Variants in ARHGAP42 observed in about 807,000 individuals in gnomAD.
ARHGAP42 encodes the protein Rho GTPase activating protein 42, also known as rho GTPase-activating protein 42.
A neutral mutation model predicts 125.0 loss-of-function variants in ARHGAP42; 63 were observed. The ratio of observed to expected loss-of-function variants is 0.50; its 90% CI spans 0.41 to 0.62. The LOEUF (loss-of-function observed/expected upper bound fraction) is 0.62. ARHGAP42 is among the 20% of genes least tolerant of loss of function. ARHGAP42 has a pLI of 0.00. For missense variants in ARHGAP42, 766 were observed against 1,024.2 expected (o/e 0.75, Z 3.44); for synonymous variants, 339 against 351.0 (o/e 0.97, Z 0.38).
At chr11:100,776,296 A>G (rs1863118694) in intron 2 of ARHGAP42, among the ~76,000 whole-genome samples, 1 of 152,226 alleles carries the variant, frequency 6.6e-6, no homozygotes, top group Admixed American at 6.5e-5. Context: ...GATTGTGCGT[A>G]AACAGCTTGG....
chr11:100,975,893 T>C (rs2135320059), intron 19 of ARHGAP42, among the ~76,000 whole-genome samples, 164 bp from the exon 20 acceptor site: 1 of 152,276 alleles, frequency 6.6e-6, no homozygotes, highest in South Asian at 2.1e-4. Context: ...AAAGCCTTTC[T>C]CCAGTACTGA....
chr11:100,822,630 A>C (rs1864429411), intron 3 of ARHGAP42, among the ~76,000 whole-genome samples: 1 of 152,112 alleles, frequency 6.6e-6, no homozygotes, highest in South Asian at 2.1e-4. Context: ...TTTAATCTGA[A>C]AGACTTCCAG....
intron 3 of ARHGAP42, among the ~76,000 whole-genome samples, chr11:100,838,513 C>G (rs1864867989): frequency 6.6e-6 from 1 of 151,884 alleles, no homozygotes; most frequent in South Asian, 2.1e-4. Flanking sequence ...TCAAAACTAG[C>G]CTGGGTAATG....
In ARHGAP42 at chr11:100,848,890, C is replaced by G. The variant is rs559801850; in HGVS notation, c.313-10664C>G. Among the ~76,000 whole-genome samples, 5 of 152,248 alleles carry G rather than the reference C, an allele frequency of 3.3e-5. No individual in the cohort carries two copies. In the East Asian group the frequency reaches 9.6e-4, roughly 29 times the overall value. On this transcript the variant is annotated intron_variant, in intron 3 of 23. Transcript: ENST00000298815. ...ATGATTCAGGTGGCACATGGCATAG[C>G]CTTTCTGCTTTACCTTATTATCTGA... is the stretch of plus-strand genomic sequence containing the variant.
chr11:100,965,798 T>C, intron 17 of ARHGAP42, 22 bp downstream of exon 17: 3 of 1,517,416 alleles, frequency 2.0e-6, no homozygotes, highest in Non-Finnish European at 2.7e-6. Flanking sequence ...ACTTACATTG[T>C]TCATTTAACT....
At chr11:100,902,730 T>C (rs1310046193) in intron 4 of ARHGAP42, among the ~76,000 whole-genome samples, 5 of 152,034 alleles carry the variant, frequency 3.3e-5, no homozygotes, top group African/African-American at 9.7e-5. Flanking sequence ...GGATGTATGG[T>C]GCAGAGGCTT....
chr11:100,787,232 C>T (rs569420157), intron 2 of ARHGAP42, among the ~76,000 whole-genome samples: 66 of 151,390 alleles, frequency 4.4e-4, no homozygotes, highest in African/African-American at 1.6e-3. Flanking sequence ...GAGCCGAGAT[C>T]GCACCACTGT....
At chr11:100,906,320 A>C (rs1026164128) in intron 4 of ARHGAP42, among the ~76,000 whole-genome samples, 1 of 152,174 alleles carries the variant, frequency 6.6e-6, no homozygotes, top group Non-Finnish European at 1.5e-5. Context: ...ATTTAACTAG[A>C]AATAGAAAGC....
chr11:100,689,232 G>A (rs1861145278), intron 1 of ARHGAP42, among the ~76,000 whole-genome samples: 1 of 152,176 alleles, frequency 6.6e-6, no homozygotes, highest in African/African-American at 2.4e-5. Flanking sequence ...AATATAGTTT[G>A]TCTGCAATTC....
chr11:100,737,898 C>T (rs750724141), intron 1 of ARHGAP42, among the ~76,000 whole-genome samples: 6 of 152,222 alleles, frequency 3.9e-5, no homozygotes, highest in Non-Finnish European at 8.8e-5. Context: ...AATCCCCTCT[C>T]ATTCCTCTTC....
At chr11:100,809,039 GC>G (rs1416433264) in intron 3 of ARHGAP42, among the ~76,000 whole-genome samples, 3 of 152,260 alleles carry the variant, frequency 2.0e-5, no homozygotes, top group Non-Finnish European at 2.9e-5. Context: ...CTGTGAGAGG[GC>G]CCACATTGCT....
intron 16 of ARHGAP42, among the ~76,000 whole-genome samples, chr11:100,965,115 T>G (rs1349778111): frequency 1.3e-5 from 2 of 152,112 alleles, no homozygotes; most frequent in African/African-American, 4.8e-5. Context: ...CCATCAGATC[T>G]TGTGAGAACT....
rs1386377127 is a variant in ARHGAP42 at position 100,899,169 on chromosome 11, T to C, written c.385-14283T>C. Among the ~76,000 whole-genome samples the C allele has an allele frequency of 7.9e-5, 12 of 152,240 alleles. No individual in the cohort carries two copies. In the East Asian group the frequency reaches 2.1e-3, roughly 27 times the overall value. On this transcript the variant is annotated intron_variant, in intron 4 of 23. Transcript: ENST00000298815. ...GTGCAGTTTTGAGTGAGTTTCTTAATCCTGAGTTCTAATTCAATTGCACTG... is the reference window on the plus strand; with the variant it reads ...GTGCAGTTTTGAGTGAGTTTCTTAACCCTGAGTTCTAATTCAATTGCACTG...
intron 4 of ARHGAP42, among the ~76,000 whole-genome samples, chr11:100,912,002 G>T (rs185877161): frequency 7.2e-5 from 11 of 152,192 alleles, no homozygotes; most frequent in Non-Finnish European, 1.2e-4. Flanking sequence ...AGCAGAACCT[G>T]ACTTACTCTC....
chr11:100,925,854 G>C (rs1867405561), intron 6 of ARHGAP42, among the ~76,000 whole-genome samples: 1 of 152,166 alleles, frequency 6.6e-6, no homozygotes, highest in Non-Finnish European at 1.5e-5. Flanking sequence ...GTGTCAACAA[G>C]GTACGCAAGT....
intron 2 of ARHGAP42, among the ~76,000 whole-genome samples, chr11:100,788,495 T>G (rs1037635612): frequency 3.3e-5 from 5 of 152,210 alleles, no homozygotes; most frequent in Non-Finnish European, 5.9e-5. Flanking sequence ...GGCTGTGACT[T>G]TTTTTTCTGT....
intron 4 of ARHGAP42, among the ~76,000 whole-genome samples, chr11:100,890,871 G>C (rs759736253): frequency 1.3e-5 from 2 of 152,130 alleles, no homozygotes; most frequent in Non-Finnish European, 2.9e-5. Context: ...AGTGCCATGG[G>C]GGAGGGTTCT....
intron 2 of ARHGAP42, among the ~76,000 whole-genome samples, chr11:100,787,056 T>TC (rs1863453295): frequency 6.6e-6 from 1 of 151,958 alleles, no homozygotes; most frequent in African/African-American, 2.4e-5. Flanking sequence ...GGCGGGTGGA[T>TC]CACGAGGTCA....
chr11:100,958,801 T>C (rs1857877907), intron 12 of ARHGAP42, among the ~76,000 whole-genome samples: 1 of 152,100 alleles, frequency 6.6e-6, no homozygotes, highest in Admixed American at 6.6e-5. Flanking sequence ...GTAGTACCTC[T>C]AGTTCCATTG....
Sources: gnomAD v4.1 joint callset for allele counts (sites outside exome capture counted in the v4.1 genomes callset) on GRCh38, gnomAD v4.1.1 for gene constraint, MANE v1.5 for transcripts, NCBI Gene and HGNC (gene_info 2026-07-23, HGNC 2026-07-21) for gene names.